Variants in HEG1 observed in about 807,000 individuals in gnomAD.
HEG1 encodes the protein heart development protein with EGF like domains 1.
In HEG1, 56 loss-of-function variants were observed where a neutral mutation model predicts 125.6. The ratio of observed to expected loss-of-function variants is 0.45; its 90% CI spans 0.36 to 0.56. The LOEUF is 0.56. Among genes scored for constraint, HEG1 ranks in the 20% least tolerant of loss-of-function variants. The probability of loss-of-function intolerance (pLI) is 0.00; values close to 1 mark genes in which losing one functional copy is unlikely to be tolerated. For missense variants in HEG1, 1,523 were observed against 1,670.0 expected (o/e 0.91, Z 1.53); for synonymous variants, 644 against 668.5 (o/e 0.96, Z 0.57).
At position 125,055,861 on chromosome 3, in the gene HEG1, C is replaced by T; in HGVS notation, c.30G>A (p.Pro10=). Residue 10 remains proline (P), a synonymous_variant, in exon 1 of 17, where the codon CCG becomes CCA. Coordinates refer to ENST00000311127, the MANE Select transcript of HEG1 (RefSeq NM_020733.2). MASPRASRW[P]PPLLLLLLPL... ...GCAGCAACAGCAGCAGGAGCGGCGG[C>T]GGCCACCGCGAGGCGCGCGGCGAGG... is the stretch of plus-strand genomic sequence containing the variant. 1.0e-6 allele frequency: 1 copy of T among 980,370 alleles called. No homozygotes were observed. Among genetic ancestry groups the T allele is most frequent in the Non-Finnish European group, 1.2e-6 (1 of 826,900 alleles). The allele number at this position is 980,370 out of a possible 1,614,324, so 60.7% of individuals were successfully genotyped here. A position where few individuals can be genotyped will look rare whatever the true frequency, so the allele number is the denominator to read the frequency against.
intron 11 of HEG1, among the ~76,000 whole-genome samples, chr3:124,998,983 C>T (rs2107694977): frequency 6.6e-6 from 1 of 152,286 alleles, no homozygotes; most frequent in Middle Eastern, 3.4e-3. Flanking sequence ...CCATTTCCCA[C>T]CCAAAGGAGG....
intron 12 of HEG1, among the ~76,000 whole-genome samples, chr3:124,991,706 G>T (rs1936836859): frequency 1.3e-5 from 2 of 152,048 alleles, no homozygotes; most frequent in African/African-American, 4.8e-5. Context: ...CGACCTCCCA[G>T]GTTCAAACGA....
At chr3:125,054,792 C>T (rs910063526) in intron 1 of HEG1, among the ~76,000 whole-genome samples, 16 of 152,148 alleles carry the variant, frequency 1.1e-4, no homozygotes, top group African/African-American at 3.6e-4. Flanking sequence ...AGAAAGTGAG[C>T]GCAAAGAGAC....
chr3:125,021,954 AATAG>A (rs1365825092), intron 3 of HEG1, among the ~76,000 whole-genome samples: 1 of 152,212 alleles, frequency 6.6e-6, no homozygotes, highest in Non-Finnish European at 1.5e-5. Flanking sequence ...CATTTGCTCT[AATAG>A]ATGGATGGCT....
At chr3:125,043,269 A>T (rs1937611071) in intron 1 of HEG1, among the ~76,000 whole-genome samples, 1 of 152,150 alleles carries the variant, frequency 6.6e-6, no homozygotes, top group South Asian at 2.1e-4. Flanking sequence ...CCTGGCCTGG[A>T]GCTCCCAAGT....
In HEG1 at chr3:125,015,067, T is replaced by C; in HGVS notation, c.1589-1077A>G. The C allele has an allele frequency of 5.1e-6, 6 of 1,168,014 alleles. No individual in the cohort carries two copies. The Middle Eastern group carries it at 1.4e-3, about 264-fold the overall frequency. 72.4% of individuals were successfully genotyped at this position (1,168,014 alleles called of 1,614,324 possible). On this transcript the variant is annotated intron_variant, in intron 5 of 16. Transcript: ENST00000311127. ...AAAATGCAGGGCTGGAGCGACAGGA[T>C]CGTGCCCCAAGCCTCACTTCCTGGG...
Position 124,971,617 on chromosome 3 carries a change from G to A in HEG1, c.3997-816C>T, listed in dbSNP as rs374882989. ...AGGTACTCTCCTGCCTCAACCTCCC[G>A]AGTAGCTGGGACTACAGGTGCATGC... is the stretch of plus-strand genomic sequence containing the variant. On this transcript the variant is annotated intron_variant, in intron 16 of 16. Coordinates refer to ENST00000311127, the MANE Select transcript of HEG1 (RefSeq NM_020733.2). Among the ~76,000 whole-genome samples the A allele has an allele frequency of 3.9e-5, 6 of 151,960 alleles. No homozygotes were observed. The East Asian group carries it at 7.7e-4, about 20-fold the overall frequency.
chr3:125,045,089 AG>A (rs1309676350), intron 1 of HEG1, among the ~76,000 whole-genome samples: 1 of 152,208 alleles, frequency 6.6e-6, no homozygotes, highest in African/African-American at 2.4e-5. Context: ...TAGCAAGCAA[AG>A]GGAGGTCAGG....
rs765669476 is a variant in HEG1 at position 124,970,755 on chromosome 3, G to C, written c.4043C>G (p.Pro1348Arg). 2.5e-6 allele frequency: 4 copies of C among 1,610,000 alleles called. No homozygotes were observed. In the South Asian group the frequency reaches 3.3e-5, roughly 13 times the overall value. Reference protein sequence around the residue: ...NPELERNGLYPAYTGLPGSRH... With the variant: ...NPELERNGLYRAYTGLPGSRH... ...TGATCCTGGCAGTCCAGTGTAGGCCGGGTAGAGTCCGTTTCGTTCAAGTTC... is the reference window on the plus strand; with the variant it reads ...TGATCCTGGCAGTCCAGTGTAGGCCCGGTAGAGTCCGTTTCGTTCAAGTTC... The change falls in exon 17 of 17, where the codon CCG becomes CGG. Residue 1348 changes from proline to arginine, a missense_variant. By Grantham distance (103) the Pro-to-Arg change is moderately radical. Transcript: ENST00000311127.
intron 14 of HEG1, among the ~76,000 whole-genome samples, chr3:124,984,557 G>A (rs1433173356): frequency 6.6e-6 from 1 of 152,082 alleles, no homozygotes; most frequent in Non-Finnish European, 1.5e-5. Context: ...TCAGGAGTTC[G>A]ATACCAGCCT....
In HEG1 at chr3:125,009,790, G is replaced by C. The variant is rs764616611; in HGVS notation, c.3108C>G (p.Ser1036=). 6.2e-7 allele frequency: 1 copy of C among 1,613,530 alleles called. No homozygotes were observed. Among genetic ancestry groups the C allele is most frequent in the South Asian group, 1.1e-5 (1 of 91,008 alleles). ...VNECLSNPCP[S]TAMCNNTQGS... is the part of the protein sequence containing the mutation. ...CCTGAGTATTGTTGCACATGGCTGT[G>C]GATGGGCAGGGGTTCGACAGGCACT... The change falls in exon 8 of 17, where the codon TCC becomes TCG. Residue 1036 remains serine (S), a synonymous_variant. Transcript: ENST00000311127.
chr3:125,040,330 G>C (rs969621737), intron 1 of HEG1, among the ~76,000 whole-genome samples: 3 of 152,200 alleles, frequency 2.0e-5, no homozygotes, highest in African/African-American at 7.2e-5. Context: ...CAGAGACGCA[G>C]ATGACAAGGG....
intron 1 of HEG1, among the ~76,000 whole-genome samples, chr3:125,033,666 C>T (rs1937519433): frequency 6.6e-6 from 1 of 152,170 alleles, no homozygotes; most frequent in Non-Finnish European, 1.5e-5. Flanking sequence ...TGTATACTTT[C>T]AAAGGGTAAA....
chr3:125,016,766 T>G (rs1560026746), intron 5 of HEG1, among the ~76,000 whole-genome samples: 1 of 152,242 alleles, frequency 6.6e-6, no homozygotes, highest in Non-Finnish European at 1.5e-5. Flanking sequence ...AGTAAGAATT[T>G]AAACCTATTC....
chr3:124,970,648 G>A lies in HEG1; in HGVS notation c.*4C>T. 1 of 1,593,304 alleles carries A rather than the reference G, an allele frequency of 6.3e-7. No homozygotes were observed. Among genetic ancestry groups the A allele is most frequent in the Non-Finnish European group, 8.6e-7 (1 of 1,169,456 alleles). The stretch of plus-strand genomic sequence containing the variant: ...AGAGCAATGAGTCCCTCTCTCTCCT[G>A]GACTTAAAAGTAGTCTCTTCTTCTG... On this transcript the variant is annotated 3_prime_UTR_variant, in exon 17 of 17. Coordinates refer to ENST00000311127, the MANE Select transcript of HEG1 (RefSeq NM_020733.2).
chr3:125,034,967 T>A (rs1937537328), intron 1 of HEG1, among the ~76,000 whole-genome samples: 2 of 152,008 alleles, frequency 1.3e-5, no homozygotes, highest in Admixed American at 1.3e-4. Context: ...GTGAAAACAT[T>A]GATTTAATTT....
intron 1 of HEG1, among the ~76,000 whole-genome samples, chr3:125,052,662 AAC>A (rs1181173492): frequency 6.6e-6 from 1 of 152,214 alleles, no homozygotes; most frequent in Non-Finnish European, 1.5e-5. Flanking sequence ...GTGGTAGAAA[AAC>A]ACACGCAGAA....
At chr3:125,021,468 C>T (rs957373833) in intron 3 of HEG1, among the ~76,000 whole-genome samples, 11 of 152,244 alleles carry the variant, frequency 7.2e-5, no homozygotes, top group African/African-American at 2.4e-4. Context: ...CAGGACTGGC[C>T]ACTGTGATAA....
chr3:125,016,266 G>A (rs1343761056), intron 5 of HEG1, among the ~76,000 whole-genome samples: 3 of 152,182 alleles, frequency 2.0e-5, no homozygotes, highest in African/African-American at 7.2e-5. Flanking sequence ...CTAAAAGGCC[G>A]GAGTGCAGAA....
Sources: gnomAD v4.1 joint callset for allele counts (sites outside exome capture counted in the v4.1 genomes callset) on GRCh38, gnomAD v4.1.1 for gene constraint, MANE v1.5 for transcripts, NCBI Gene and HGNC (gene_info 2026-07-23, HGNC 2026-07-21) for gene names.